Variants in DTL observed in about 807,000 individuals in gnomAD.
DTL encodes the protein denticleless E3 ubiquitin protein ligase adapter.
Under a neutral mutation model 87.0 loss-of-function variants are expected in DTL, and 46 were observed. The ratio of observed to expected loss-of-function variants is 0.53; its 90% CI spans 0.42 to 0.68. The LOEUF (loss-of-function observed/expected upper bound fraction) is 0.68. Ranked by LOEUF, DTL falls within the 30% of genes least tolerant of loss-of-function variation. The pLI, the probability that DTL is intolerant of heterozygous loss-of-function variation, is 0.00. For missense variants in DTL, 737 were observed against 869.4 expected, an observed-to-expected ratio of 0.85 and a Z score of 1.91; for synonymous variants, 308 against 311.2, an observed-to-expected ratio of 0.99 and a Z score of 0.11.
At chr1:212,082,443 A>G (rs1051487333) in intron 13 of DTL, among the ~76,000 whole-genome samples, 1 of 152,332 alleles carries the variant, frequency 6.6e-6, no homozygotes, top group African/African-American at 2.4e-5. Flanking sequence ...ATAACATTTC[A>G]CAGTGATTGG....
intron 1 of DTL, 73 bp downstream of exon 1, chr1:212,036,015 C>A (rs915180478): frequency 5.1e-5 from 75 of 1,457,018 alleles, no homozygotes; most frequent in Non-Finnish European, 6.9e-5. Context: ...CACCTCCGAC[C>A]AGGGCCGACT....
At chr1:212,084,344 C>CCA (rs1228140036) in intron 13 of DTL, among the ~76,000 whole-genome samples, 1 of 151,980 alleles carries the variant, frequency 6.6e-6, no homozygotes, top group African/African-American at 2.4e-5. Context: ...TGCCACCATG[C>CCA]CCAGCTAATT....
rs981454428 is a variant in DTL, at chr1:212,060,232, A to G, written c.461-2652A>G. Reference sequence around the variant, plus strand: ...TGCCAAAGCAATCCTAAGCAAAAAGAATATAGCTAATATAATAACTAAAAC... The same window carrying G: ...TGCCAAAGCAATCCTAAGCAAAAAGGATATAGCTAATATAATAACTAAAAC... On this transcript the variant is annotated intron_variant, in intron 5 of 14. Transcript: ENST00000366991. 2.0e-5 allele frequency among the ~76,000 whole-genome samples: 3 copies of G among 152,338 alleles called. No homozygotes were observed. In the South Asian group the frequency reaches 6.2e-4, roughly 32 times the overall value.
At chr1:212,058,591 A>G (rs1302506530) in intron 5 of DTL, among the ~76,000 whole-genome samples, 1 of 152,130 alleles carries the variant, frequency 6.6e-6, no homozygotes, top group Non-Finnish European at 1.5e-5. Context: ...CCTATACCAA[A>G]AAAGTAGAAA....
At chr1:212,048,007 T>G (rs1667856552) in intron 5 of DTL, among the ~76,000 whole-genome samples, 1 of 152,246 alleles carries the variant, frequency 6.6e-6, no homozygotes, top group Non-Finnish European at 1.5e-5. Context: ...AATACCATTG[T>G]TCAACCTTGA....
chr1:212,052,042 A>C, intron 5 of DTL: 1 of 982,134 alleles, frequency 1.0e-6, no homozygotes, highest in Non-Finnish European at 1.6e-6. Flanking sequence ...GTTCCGGCCG[A>C]AAAGAAGCTG....
At chr1:212,071,426 AGAGT>A (rs1308178343) in intron 10 of DTL, among the ~76,000 whole-genome samples, 3 of 152,214 alleles carry the variant, frequency 2.0e-5, no homozygotes, top group Non-Finnish European at 2.9e-5. Context: ...TTTGCCATTG[AGAGT>A]GAGAAGGCTA....
At chr1:212,080,337 G>A (rs1191064453) in intron 12 of DTL, 2 of 241,946 alleles carry the variant, frequency 8.3e-6, no homozygotes, top group African/African-American at 2.3e-5. Flanking sequence ...ATGATAAAGA[G>A]CCAGAACTTT....
At chr1:212,066,640 T>A (rs926361537) in intron 7 of DTL, among the ~76,000 whole-genome samples, 172 bp from the exon 8 acceptor site, 1 of 152,252 alleles carries the variant, frequency 6.6e-6, no homozygotes, top group African/African-American at 2.4e-5. Context: ...TAAAACTTAA[T>A]GATCCTTGCT....
At chr1:212,049,201 G>A (rs1297299903) in intron 5 of DTL, among the ~76,000 whole-genome samples, 1 of 152,214 alleles carries the variant, frequency 6.6e-6, no homozygotes, top group Non-Finnish European at 1.5e-5. Context: ...GAGATTACAG[G>A]CATGAGCCAC....
intron 10 of DTL, among the ~76,000 whole-genome samples, chr1:212,069,568 C>T (rs1378780741): frequency 1.4e-5 from 2 of 147,658 alleles, no homozygotes; most frequent in African/African-American, 5.0e-5. Context: ...TTTTTTGAGA[C>T]GGAGTTTCAC....
At chr1:212,070,334 T>A (rs1019068574) in intron 10 of DTL, among the ~76,000 whole-genome samples, 13 of 152,164 alleles carry the variant, frequency 8.5e-5, no homozygotes, top group African/African-American at 2.9e-4. Flanking sequence ...AAAAATTGAA[T>A]GACAGCTGGC....
intron 6 of DTL, 83 bp downstream of exon 6, chr1:212,063,032 G>C: frequency 9.6e-7 from 1 of 1,045,778 alleles, no homozygotes; most frequent in Admixed American, 1.8e-5. Flanking sequence ...GATTTCATCT[G>C]ATTACCACCA....
Position 212,088,574 on chromosome 1 carries a change from C to G in DTL, c.1261+7824C>G, listed in dbSNP as rs368139366. On this transcript the variant is annotated intron_variant, in intron 13 of 14. Coordinates refer to ENST00000366991, the MANE Select transcript of DTL (RefSeq NM_016448.4). ...GAGGAAAGAAGTTGTGAATTCTTCACAGTGGAGTTAACATTGTCATCAGAG... is the reference window on the plus strand; with the variant it reads ...GAGGAAAGAAGTTGTGAATTCTTCAGAGTGGAGTTAACATTGTCATCAGAG... 1.3e-3 allele frequency among the ~76,000 whole-genome samples: 200 copies of G among 152,330 alleles called. 4 individuals carry two copies. The South Asian group carries it at 0.041, about 31-fold the overall frequency.
intron 12 of DTL, among the ~76,000 whole-genome samples, chr1:212,078,667 A>G (rs1309232592): frequency 6.6e-6 from 1 of 152,200 alleles, no homozygotes; most frequent in Non-Finnish European, 1.5e-5. Flanking sequence ...GTTTTCACAT[A>G]TGGCTAACAA....
At chr1:212,090,036 G>A (rs1304340484) in intron 13 of DTL, among the ~76,000 whole-genome samples, 1 of 151,868 alleles carries the variant, frequency 6.6e-6, no homozygotes, top group African/African-American at 2.4e-5. Flanking sequence ...TTCCTTTTCT[G>A]CTGAAAAAAA....
At chr1:212,068,785 T>A in intron 10 of DTL, 82 bp downstream of exon 10, 1 of 861,224 alleles carries the variant, frequency 1.2e-6, no homozygotes, top group Non-Finnish European at 1.9e-6. Context: ...TGGGCTTTCT[T>A]CTAAACTGAA....
chr1:212,039,308 G>A (rs1667573589), intron 1 of DTL, among the ~76,000 whole-genome samples: 1 of 152,068 alleles, frequency 6.6e-6, no homozygotes, highest in African/African-American at 2.4e-5. Context: ...GGGTGTTTAT[G>A]GTCCCTTTAT....
intron 11 of DTL, among the ~76,000 whole-genome samples, chr1:212,072,611 G>C (rs1195856598): frequency 6.6e-6 from 1 of 151,942 alleles, no homozygotes; most frequent in South Asian, 2.1e-4. Context: ...AATCACCCAT[G>C]GAGCCTTGCA....
Sources: allele counts gnomAD v4.1 joint callset (sites outside exome capture counted in the v4.1 genomes callset), GRCh38; gene constraint gnomAD v4.1.1; transcripts MANE v1.5; gene names NCBI Gene and HGNC (gene_info 2026-07-23, HGNC 2026-07-21).